Variants in TMEM63C observed in about 807,000 individuals in gnomAD.
The protein encoded by TMEM63C is osmosensitive cation channel TMEM63C.
TMEM63C carries 32 observed loss-of-function variants against 99.2 expected under a neutral mutation model. That is an observed-to-expected ratio of 0.32 (90% confidence interval 0.24 to 0.43). The LOEUF is 0.43. TMEM63C is among the 20% of genes least tolerant of loss of function. The probability of loss-of-function intolerance (pLI) is 1.00; values close to 1 mark genes in which losing one functional copy is unlikely to be tolerated. For missense variants in TMEM63C, 826 were observed against 1,053.0 expected, an observed-to-expected ratio of 0.78 and a Z score of 2.98; for synonymous variants, 376 against 397.9, an observed-to-expected ratio of 0.94 and a Z score of 0.66.
intron 1 of TMEM63C, among the ~76,000 whole-genome samples, chr14:77,206,067 A>C (rs761232874): frequency 4.6e-5 from 7 of 152,158 alleles, no homozygotes; most frequent in Non-Finnish European, 8.8e-5. Context: ...GCTCAGAGGT[A>C]ATCCAGAGGC....
At chr14:77,186,046 C>T (rs1259097916) in intron 1 of TMEM63C, among the ~76,000 whole-genome samples, 1 of 151,688 alleles carries the variant, frequency 6.6e-6, no homozygotes, top group African/African-American at 2.4e-5. Context: ...GAGTCTCGTT[C>T]TGTTGCCCAC....
At chr14:77,246,973 A>T (rs907073743) in intron 18 of TMEM63C, among the ~76,000 whole-genome samples, 1 of 152,160 alleles carries the variant, frequency 6.6e-6, no homozygotes, top group Non-Finnish European at 1.5e-5. Flanking sequence ...GTTTCCCCCA[A>T]TGGAAGCACT....
chr14:77,242,298 T>TG, intron 13 of TMEM63C, 49 bp from the exon 14 acceptor site: 2 of 1,416,892 alleles, frequency 1.4e-6, no homozygotes, highest in Non-Finnish European at 2.0e-6. Flanking sequence ...CCTAAGCCCA[T>TG]CCCCCCACCC....
chr14:77,228,798 A>G (rs1408561646), intron 6 of TMEM63C, among the ~76,000 whole-genome samples: 2 of 152,134 alleles, frequency 1.3e-5, no homozygotes, highest in African/African-American at 4.8e-5. Context: ...TGGCCCCCCA[A>G]AGTGCTGGGA....
intron 1 of TMEM63C, among the ~76,000 whole-genome samples, chr14:77,200,363 T>A (rs1888279765): frequency 6.6e-6 from 1 of 152,140 alleles, no homozygotes; most frequent in Non-Finnish European, 1.5e-5. Context: ...CCTCAGCCCC[T>A]CGGCACAGCC....
At chr14:77,187,397 A>C (rs1286378173) in intron 1 of TMEM63C, among the ~76,000 whole-genome samples, 1 of 152,214 alleles carries the variant, frequency 6.6e-6, no homozygotes, top group African/African-American at 2.4e-5. Context: ...ATCTCGAGTC[A>C]CGGGAGCAGG....
intron 6 of TMEM63C, among the ~76,000 whole-genome samples, chr14:77,230,585 G>A (rs574695137): frequency 1.8e-4 from 28 of 152,108 alleles, no homozygotes; most frequent in Admixed American, 4.6e-4. Flanking sequence ...TCAGATCAGC[G>A]GCGGCATGAG....
Position 77,224,730 on chromosome 14 carries a change from G to A in TMEM63C, c.313-694G>A, listed in dbSNP as rs190488641. Reference sequence around the variant, plus strand: ...ACCCTCAGCACATGGCATCAAAGATGCCACCAAACCACGCCAGGTTTCATG... The same window carrying A: ...ACCCTCAGCACATGGCATCAAAGATACCACCAAACCACGCCAGGTTTCATG... On this transcript the variant is annotated intron_variant, in intron 5 of 23. Coordinates refer to ENST00000298351, the MANE Select transcript of TMEM63C (RefSeq NM_020431.4). Among the ~76,000 whole-genome samples the A allele has an allele frequency of 1.7e-3, 255 of 152,268 alleles. 1 individual carries two copies. The highest frequency in any genetic ancestry group is 6.0e-3 in the African/African-American group (250 of 41,548).
rs1889521388 is a variant in TMEM63C at position 77,258,695 on chromosome 14, A to G, written c.*1969A>G. On this transcript the variant is annotated 3_prime_UTR_variant, in exon 24 of 24. Transcript: ENST00000298351. ...GGTGGCCAGCTCCAGGCCCTGCCCG[A>G]CCCCATCATGTGTATTTGGTGTATG... The G allele has an allele frequency of 6.6e-6, 1 of 151,896 alleles. No homozygotes were observed. Among genetic ancestry groups the G allele is most frequent in the Non-Finnish European group, 1.5e-5 (1 of 68,086 alleles). The allele number at this position is 151,896 out of a possible 1,614,324, so 9.4% of individuals were successfully genotyped here.
At chr14:77,245,056 C>T (rs749335506) in intron 16 of TMEM63C, among the ~76,000 whole-genome samples, 9 of 152,180 alleles carry the variant, frequency 5.9e-5, no homozygotes, top group Non-Finnish European at 1.2e-4. Flanking sequence ...AGTTATTTTC[C>T]GCACCAAAAG....
intron 1 of TMEM63C, among the ~76,000 whole-genome samples, chr14:77,202,289 TAC>T (rs59017859): frequency 0.084 from 12,628 of 149,676 alleles, 1,296 homozygotes; most frequent in African/African-American, 0.26. Flanking sequence ...CATACTCAGA[TAC>T]ACACACACAC....
chr14:77,248,867 C>T lies in TMEM63C; in HGVS notation c.1865C>T (p.Pro622Leu). 6.2e-7 allele frequency: 1 copy of T among 1,613,842 alleles called. No homozygotes were observed. Among genetic ancestry groups the T allele is most frequent in the Non-Finnish European group, 8.5e-7 (1 of 1,179,724 alleles). Residue 622 changes from proline (P) to leucine (L), a missense_variant, in exon 20 of 24, where the codon CCT (proline) becomes CTT (leucine). Physicochemically the swap from Pro to Leu is moderately conservative, Grantham distance 98. Coordinates refer to ENST00000298351, the MANE Select transcript of TMEM63C (RefSeq NM_020431.4). The stretch of plus-strand genomic sequence containing the variant: ...AGCATCACTTGCCCCATCATTGTGC[C>T]TTTTGGTGAGTCATCTCCAAGGCAT... ...AYSITCPIIVPFGLLYLCMKH... is the reference protein window; with the variant it reads ...AYSITCPIIVLFGLLYLCMKH...
intron 1 of TMEM63C, among the ~76,000 whole-genome samples, chr14:77,183,141 C>T (rs1443071002): frequency 6.6e-6 from 1 of 152,072 alleles, no homozygotes; most frequent in Non-Finnish European, 1.5e-5. Context: ...GAGAGAGCGA[C>T]ATTTTAGAGC....
chr14:77,205,335 G>T (rs1313627344), intron 1 of TMEM63C, among the ~76,000 whole-genome samples: 1 of 152,190 alleles, frequency 6.6e-6, no homozygotes, highest in African/African-American at 2.4e-5. Context: ...TGCAGATTGG[G>T]TTCGGTTCAT....
At chr14:77,230,341 C>CTA (rs1198532731) in intron 6 of TMEM63C, among the ~76,000 whole-genome samples, 1 of 149,178 alleles carries the variant, frequency 6.7e-6, no homozygotes, top group Admixed American at 6.6e-5. Context: ...CATTCTAACT[C>CTA]TATAGCTCAG....
intron 2 of TMEM63C, 37 bp from the exon 3 acceptor site, chr14:77,218,764 G>A (rs1388235801): frequency 6.2e-7 from 1 of 1,603,252 alleles, no homozygotes; most frequent in Non-Finnish European, 8.5e-7. Context: ...ATGCAAGGGA[G>A]TCTTTGCATC....
chr14:77,203,465 A>C (rs1435305892), intron 1 of TMEM63C, among the ~76,000 whole-genome samples: 1 of 152,062 alleles, frequency 6.6e-6, no homozygotes, highest in African/African-American at 2.4e-5. Context: ...CCAGAAGACA[A>C]GCACTGGCAA....
chr14:77,216,816 C>A lies in TMEM63C; in HGVS notation c.-13-1985C>A, dbSNP rs564916363. Among the ~76,000 whole-genome samples the A allele has an allele frequency of 6.6e-5, 10 of 152,256 alleles. 1 individual carries two copies. The East Asian group carries it at 1.9e-3, about 29-fold the overall frequency. Reference sequence around the variant, plus strand: ...CATTGTCTCCTGCCCGGACCCTGGCCGAGCTCTCCGCATCTACTTCTCCAC... The same window carrying A: ...CATTGTCTCCTGCCCGGACCCTGGCAGAGCTCTCCGCATCTACTTCTCCAC... On this transcript the variant is annotated intron_variant, in intron 2 of 23. Transcript: ENST00000298351.
Position 77,218,843 on chromosome 14 carries a change from A to AG in TMEM63C, c.35dup (p.Arg13LysfsTer9). ...CTGCCTCACCAGACGACCTGAGTAC[A>AG]GGGGGAAGGTTACAGAACATGACAG... is the stretch of plus-strand genomic sequence containing the variant. On this transcript the variant is annotated frameshift_variant, in exon 3 of 24. Coordinates refer to ENST00000298351, the MANE Select transcript of TMEM63C (RefSeq NM_020431.4). LOFTEE classifies it high-confidence loss of function. 6.2e-7 allele frequency: 1 copy of AG among 1,613,566 alleles called. No homozygotes were observed. The highest frequency in any genetic ancestry group is 8.5e-7 in the Non-Finnish European group (1 of 1,179,758).
Sources: gnomAD v4.1 joint callset for allele counts (sites outside exome capture counted in the v4.1 genomes callset) on GRCh38, gnomAD v4.1.1 for gene constraint, MANE v1.5 for transcripts, NCBI Gene and HGNC (gene_info 2026-07-23, HGNC 2026-07-21) for gene names.